The following PLPP4 variants were observed in gnomAD, a reference collection of about 807,000 sequenced individuals.
PLPP4 encodes diacylglycerol pyrophosphate like 2.
In PLPP4, 20 loss-of-function variants were observed where a neutral mutation model predicts 32.2. That is an observed-to-expected ratio of 0.62 (90% CI 0.44 to 0.90). The LOEUF (loss-of-function observed/expected upper bound fraction) is 0.90, where lower values mean the gene tolerates loss of function less well. Ranked by LOEUF, PLPP4 falls within the 40% of genes least tolerant of loss-of-function variation. The pLI is 0.00. For synonymous variants in PLPP4, 127 were observed against 133.0 expected (o/e 0.95, Z 0.31); for missense variants, 257 against 353.1 (o/e 0.73, Z 2.18).
intron 2 of PLPP4, among the ~76,000 whole-genome samples, chr10:120,504,428 A>C (rs1348846072): frequency 6.6e-6 from 1 of 152,236 alleles, no homozygotes; most frequent in Non-Finnish European, 1.5e-5. Flanking sequence ...GTTGCTTATG[A>C]AAGATTTAAA....
chr10:120,503,166 C>A (rs1845343068), intron 1 of PLPP4, among the ~76,000 whole-genome samples: 1 of 152,228 alleles, frequency 6.6e-6, no homozygotes, highest in Non-Finnish European at 1.5e-5. Context: ...CTCTCCTTGG[C>A]TCAAAATCAA....
chr10:120,499,145 T>C (rs1443257351), intron 1 of PLPP4, among the ~76,000 whole-genome samples: 3 of 152,232 alleles, frequency 2.0e-5, no homozygotes. Flanking sequence ...GCAATTTCTT[T>C]AGCCTTTTCT....
At chr10:120,473,136 C>G (rs1244417650) in intron 1 of PLPP4, among the ~76,000 whole-genome samples, 1 of 152,114 alleles carries the variant, frequency 6.6e-6, no homozygotes, top group Non-Finnish European at 1.5e-5. Flanking sequence ...CTTTGCATGT[C>G]TAGTAACTAT....
chr10:120,554,695 A>G (rs1004273478), intron 5 of PLPP4, among the ~76,000 whole-genome samples: 2 of 152,106 alleles, frequency 1.3e-5, no homozygotes, highest in Admixed American at 6.5e-5. Flanking sequence ...ACTTACAATC[A>G]TGGCAGAAGG....
intron 5 of PLPP4, among the ~76,000 whole-genome samples, chr10:120,560,922 A>G (rs571595012): frequency 6.6e-6 from 1 of 152,278 alleles, no homozygotes; most frequent in East Asian, 1.9e-4. Flanking sequence ...GTCGAAAGTT[A>G]TACTCAGATT....
intron 4 of PLPP4, among the ~76,000 whole-genome samples, chr10:120,519,709 A>G (rs1367606541): frequency 6.6e-6 from 1 of 152,082 alleles, no homozygotes; most frequent in Non-Finnish European, 1.5e-5. Context: ...GTTCTGGTAG[A>G]CTGCTTAGGC....
intron 1 of PLPP4, among the ~76,000 whole-genome samples, chr10:120,474,647 A>G (rs184475099): frequency 2.6e-5 from 4 of 152,304 alleles, no homozygotes; most frequent in Admixed American, 1.3e-4. Context: ...CCCATGTGAA[A>G]CATTGATGCT....
chr10:120,561,272 A>C (rs1848420412), intron 5 of PLPP4, among the ~76,000 whole-genome samples: 1 of 152,226 alleles, frequency 6.6e-6, no homozygotes, highest in Admixed American at 6.5e-5. Flanking sequence ...ATCTTCTAAC[A>C]GTCCTATAGT....
At chr10:120,537,979 A>G (rs1589841404) in intron 5 of PLPP4, among the ~76,000 whole-genome samples, 1 of 100,376 alleles carries the variant, frequency 1.0e-5, no homozygotes, top group Non-Finnish European at 1.9e-5. Flanking sequence ...TGGGTTCAGA[A>G]CCACCAGGCC....
At chr10:120,558,348 T>A (rs534738813) in intron 5 of PLPP4, among the ~76,000 whole-genome samples, 1 of 152,032 alleles carries the variant, frequency 6.6e-6, no homozygotes, top group Non-Finnish European at 1.5e-5. Context: ...ATTATTATTT[T>A]TTGAGATTCT....
At chr10:120,501,313 T>TTTC (rs57186093) in intron 1 of PLPP4, among the ~76,000 whole-genome samples, 1 of 152,142 alleles carries the variant, frequency 6.6e-6, no homozygotes, top group East Asian at 1.9e-4. Context: ...TTTCATTTCA[T>TTTC]GTCTTAAAAA....
intron 1 of PLPP4, among the ~76,000 whole-genome samples, chr10:120,462,299 G>A (rs1219440085): frequency 6.6e-6 from 1 of 152,134 alleles, no homozygotes; most frequent in Non-Finnish European, 1.5e-5. Context: ...GGCCCTGCAG[G>A]GCAGGGGTCA....
chr10:120,481,540 C>T (rs940305462), intron 1 of PLPP4, among the ~76,000 whole-genome samples: 6 of 152,214 alleles, frequency 3.9e-5, no homozygotes, highest in Admixed American at 3.3e-4. Flanking sequence ...ATGGCAACCA[C>T]AATATCAACA....
At chr10:120,480,533 A>G (rs1844150416) in intron 1 of PLPP4, among the ~76,000 whole-genome samples, 1 of 152,228 alleles carries the variant, frequency 6.6e-6, no homozygotes, top group African/African-American at 2.4e-5. Flanking sequence ...GAGAGGATGC[A>G]TCTGAAACTA....
chr10:120,463,451 C>G (rs1351649601), intron 1 of PLPP4, among the ~76,000 whole-genome samples: 2 of 152,350 alleles, frequency 1.3e-5, no homozygotes, highest in East Asian at 3.9e-4. Context: ...CCTTCAATCT[C>G]TGAACCTCAG....
intron 6 of PLPP4, among the ~76,000 whole-genome samples, chr10:120,579,830 G>A (rs7077730): frequency 0.2 from 30,008 of 151,558 alleles, 3,001 homozygotes; most frequent in Admixed American, 0.23. Context: ...AGTTGGGGCC[G>A]GGCGCGGTGG....
intron 1 of PLPP4, among the ~76,000 whole-genome samples, chr10:120,487,573 A>G (rs1297577725): frequency 1.3e-5 from 2 of 152,210 alleles, no homozygotes; most frequent in Non-Finnish European, 2.9e-5. Flanking sequence ...TGACCTTTAA[A>G]TCAGTTTTTT....
At chr10:120,461,311 A>T (rs902563077) in intron 1 of PLPP4, among the ~76,000 whole-genome samples, 1 of 152,182 alleles carries the variant, frequency 6.6e-6, no homozygotes, top group African/African-American at 2.4e-5. Context: ...ATCTCCCAGG[A>T]CATCTGTTAG....
intron 5 of PLPP4, among the ~76,000 whole-genome samples, chr10:120,563,283 A>T (rs1358242136): frequency 6.6e-6 from 1 of 152,204 alleles, no homozygotes; most frequent in East Asian, 1.9e-4. Context: ...AGATGTAAAG[A>T]TACATTTCAG....
Sources: gnomAD v4.1 joint callset for allele counts (sites outside exome capture counted in the v4.1 genomes callset) on GRCh38, gnomAD v4.1.1 for gene constraint, MANE v1.5 for transcripts, NCBI Gene and HGNC (gene_info 2026-07-23, HGNC 2026-07-21) for gene names.